The following CNTNAP2 variants were observed in gnomAD, a reference collection of about 807,000 sequenced individuals.
CNTNAP2 encodes contactin associated protein 2, also known as contactin-associated protein-like 2.
A neutral mutation model predicts 155.2 loss-of-function variants in CNTNAP2; 98 were observed. The ratio of observed to expected loss-of-function variants is 0.63; its 90% CI spans 0.54 to 0.75. The LOEUF (loss-of-function observed/expected upper bound fraction) is 0.75, where lower values mean the gene tolerates loss of function less well. Ranked by LOEUF, CNTNAP2 falls within the 30% of genes least tolerant of loss-of-function variation. The pLI, the probability that CNTNAP2 is intolerant of heterozygous loss-of-function variation, is 0.00. For synonymous variants in CNTNAP2, 651 were observed against 631.2 expected (o/e 1.03, Z -0.47); for missense variants, 1,727 against 1,688.1 (o/e 1.02, Z -0.40).
At chr7:146,692,776 A>G (rs371295719) in intron 1 of CNTNAP2, among the ~76,000 whole-genome samples, 24 of 152,102 alleles carry the variant, frequency 1.6e-4, no homozygotes, top group African/African-American at 5.6e-4. Flanking sequence ...ACCACCTAAC[A>G]TGGTGTAAAT....
At chr7:148,352,350 G>A (rs931698947) in intron 21 of CNTNAP2, among the ~76,000 whole-genome samples, 1 of 152,208 alleles carries the variant, frequency 6.6e-6, no homozygotes, top group Non-Finnish European at 1.5e-5. Context: ...TCATATAATT[G>A]TAGCTTTAGA....
At chr7:147,801,797 A>G (rs912844837) in intron 13 of CNTNAP2, among the ~76,000 whole-genome samples, 13 of 151,774 alleles carry the variant, frequency 8.6e-5, no homozygotes, top group East Asian at 3.9e-4. Flanking sequence ...ATTCCACAAA[A>G]CCGCCATTGT....
chr7:146,217,406 G>T (rs1294802969), intron 1 of CNTNAP2, among the ~76,000 whole-genome samples: 3 of 152,104 alleles, frequency 2.0e-5, no homozygotes, highest in Non-Finnish European at 4.4e-5. Context: ...ACACATGCAG[G>T]TTTGTTATAC....
At chr7:148,012,461 C>T (rs1290138536) in intron 15 of CNTNAP2, among the ~76,000 whole-genome samples, 3 of 152,180 alleles carry the variant, frequency 2.0e-5, no homozygotes, top group African/African-American at 4.8e-5. Context: ...ATGCAACAGG[C>T]ATAAGTTCTA....
At chr7:146,122,410 G>A (rs559387213) in intron 1 of CNTNAP2, among the ~76,000 whole-genome samples, 40 of 152,260 alleles carry the variant, frequency 2.6e-4, no homozygotes, top group Non-Finnish European at 4.9e-4. Context: ...CTTATATAAA[G>A]AATGTTATTT....
chr7:146,347,324 G>C (rs1464818316), intron 1 of CNTNAP2, among the ~76,000 whole-genome samples: 2 of 152,070 alleles, frequency 1.3e-5, no homozygotes, highest in Non-Finnish European at 2.9e-5. Flanking sequence ...TCTTATCAAT[G>C]TGAATCAGTC....
At chr7:146,900,125 GTAAAGGCC>G (rs372921316) in intron 3 of CNTNAP2, among the ~76,000 whole-genome samples, 74 of 152,244 alleles carry the variant, frequency 4.9e-4, no homozygotes, top group African/African-American at 1.7e-3. Context: ...AAGTAGATAA[GTAAAGGCC>G]TAAACAGTAT....
chr7:148,006,408 C>T (rs1305227883), intron 15 of CNTNAP2, among the ~76,000 whole-genome samples: 3 of 150,138 alleles, frequency 2.0e-5, no homozygotes, highest in Non-Finnish European at 3.0e-5. Flanking sequence ...CAACCTCTGC[C>T]TCCCAGGTTC....
At chr7:147,878,187 T>C (rs1426417954) in intron 13 of CNTNAP2, among the ~76,000 whole-genome samples, 1 of 151,938 alleles carries the variant, frequency 6.6e-6, no homozygotes, top group African/African-American at 2.4e-5. Flanking sequence ...GATGTATAGG[T>C]ATTCTATTTT....
At chr7:146,468,741 T>C (rs1455806240) in intron 1 of CNTNAP2, among the ~76,000 whole-genome samples, 2 of 152,148 alleles carry the variant, frequency 1.3e-5, no homozygotes, top group African/African-American at 4.8e-5. Context: ...GCAAAGCTGA[T>C]TCACCTGTTG....
At chr7:147,263,618 A>G (rs1167592641) in intron 8 of CNTNAP2, among the ~76,000 whole-genome samples, 1 of 152,180 alleles carries the variant, frequency 6.6e-6, no homozygotes, top group African/African-American at 2.4e-5. Flanking sequence ...ATTAAATGGT[A>G]TTAGAGTGAG....
intron 13 of CNTNAP2, among the ~76,000 whole-genome samples, chr7:147,695,189 A>G: frequency 6.6e-6 from 1 of 152,158 alleles, no homozygotes. Context: ...ACTTAATTCT[A>G]TTTTGGTCTG....
At chr7:148,206,798 C>T (rs921208374) in intron 18 of CNTNAP2, among the ~76,000 whole-genome samples, 1 of 152,208 alleles carries the variant, frequency 6.6e-6, no homozygotes, top group Admixed American at 6.5e-5. Context: ...CTGCATTCCT[C>T]ATGCCTTGGT....
At chr7:146,817,170 C>A (rs1397389684) in intron 2 of CNTNAP2, among the ~76,000 whole-genome samples, 1 of 152,066 alleles carries the variant, frequency 6.6e-6, no homozygotes, top group Non-Finnish European at 1.5e-5. Context: ...TGTTCTCACA[C>A]TGCTATAAAG....
At chr7:148,308,551 G>GTATTTAGTTAGT (rs1310412127) in intron 21 of CNTNAP2, among the ~76,000 whole-genome samples, 4 of 148,298 alleles carry the variant, frequency 2.7e-5, no homozygotes, top group African/African-American at 9.9e-5. Flanking sequence ...ACCTATTTAT[G>GTATTTAGTTAGT]TATTTATTTA....
intron 1 of CNTNAP2, among the ~76,000 whole-genome samples, chr7:146,369,168 CGTGTGTGTAT>C (rs560062495): frequency 9.3e-5 from 14 of 150,820 alleles, no homozygotes; most frequent in Admixed American, 2.7e-4. Context: ...GCCAGCATTA[CGTGTGTGTAT>C]GTGTGTGTAT....
At chr7:148,014,281 A>T (rs1281755472) in intron 15 of CNTNAP2, 1 of 122,950 alleles carries the variant, frequency 8.1e-6, no homozygotes, top group Admixed American at 9.5e-5. Flanking sequence ...AAACATAAAA[A>T]AAAAAAAAAA....
chr7:146,405,069 T>G (rs957008002), intron 1 of CNTNAP2, among the ~76,000 whole-genome samples: 1 of 152,016 alleles, frequency 6.6e-6, no homozygotes, highest in African/African-American at 2.4e-5. Context: ...CTCAAGATAT[T>G]TGGAATTGGA....
rs145934058 is a variant in CNTNAP2 at position 148,234,418 on chromosome 7, A to G, written c.3381+4639A>G. On this transcript the variant is annotated intron_variant, in intron 20 of 23. Coordinates refer to ENST00000361727, the MANE Select transcript of CNTNAP2 (RefSeq NM_014141.6). Reference sequence around the variant, plus strand: ...CACAGAGAATAATAAACCATATGCTATGTACCCACCATTGAAACATTACAA... The same window carrying G: ...CACAGAGAATAATAAACCATATGCTGTGTACCCACCATTGAAACATTACAA... Among the ~76,000 whole-genome samples, 662 of 152,368 alleles carry G rather than the reference A, an allele frequency of 4.3e-3. 2 individuals carry two copies. Among genetic ancestry groups the G allele is most frequent in the South Asian group, 0.011 (52 of 4,830 alleles).
Sources: allele counts gnomAD v4.1 joint callset (sites outside exome capture counted in the v4.1 genomes callset), GRCh38; gene constraint gnomAD v4.1.1; transcripts MANE v1.5; gene names NCBI Gene and HGNC (gene_info 2026-07-23, HGNC 2026-07-21).